The following HADH variants were observed in gnomAD, a reference collection of about 807,000 sequenced individuals.
The protein encoded by HADH is hydroxyacyl-CoA dehydrogenase, also known as hydroxyacyl-coenzyme A dehydrogenase, mitochondrial.
A neutral mutation model predicts 32.2 loss-of-function variants in HADH; 24 were observed. The observed-to-expected ratio is 0.75, with a 90% CI of 0.54 to 1.05. The LOEUF is 1.05. Ranked by LOEUF, HADH falls within the 50% of genes least tolerant of loss-of-function variation. The pLI is 0.00. For synonymous variants in HADH, 139 were observed against 152.5 expected (o/e 0.91, Z 0.65); for missense variants, 350 against 397.1 (o/e 0.88, Z 1.01).
chr4:107,998,428 C>T (rs1735018033), intron 1 of HADH, among the ~76,000 whole-genome samples: 1 of 152,164 alleles, frequency 6.6e-6, no homozygotes, highest in South Asian at 2.1e-4. Flanking sequence ...TGCAGGCGTG[C>T]ACCACCATGC....
At chr4:108,009,942 G>A in intron 2 of HADH, 55 bp downstream of exon 2, 1 of 1,232,550 alleles carries the variant, frequency 8.1e-7, no homozygotes, top group Non-Finnish European at 1.2e-6. Context: ...CTTTACATTT[G>A]CAGGGCAATG....
intron 4 of HADH, among the ~76,000 whole-genome samples, chr4:108,020,331 G>T (rs1001938307): frequency 6.6e-6 from 1 of 152,148 alleles, no homozygotes; most frequent in African/African-American, 2.4e-5. Context: ...TCAGCCAGGG[G>T]TTTTGGTGCA....
chr4:107,990,184 C>T (rs1242653794), intron 1 of HADH, 120 bp downstream of exon 1: 9 of 1,034,860 alleles, frequency 8.7e-6, no homozygotes, highest in East Asian at 2.6e-5. Context: ...TTTCACCCCG[C>T]GCCTCCCGGG....
At chr4:107,993,739 A>G (rs1482889491) in intron 1 of HADH, among the ~76,000 whole-genome samples, 1 of 152,218 alleles carries the variant, frequency 6.6e-6, no homozygotes, top group Admixed American at 6.5e-5. Flanking sequence ...AATTAAAAAA[A>G]CAAAAAATCC....
At chr4:108,029,658 C>G (rs947223643) in intron 6 of HADH, 2 of 152,376 alleles carry the variant, frequency 1.3e-5, no homozygotes, top group African/African-American at 2.4e-5. Flanking sequence ...TGCAGGCTCT[C>G]TGGAAGGATG....
intron 4 of HADH, among the ~76,000 whole-genome samples, chr4:108,022,163 A>ATGTGTGTGTG (rs1452653535): frequency 1.9e-5 from 1 of 53,524 alleles, no homozygotes; most frequent in African/African-American, 4.5e-5. Context: ...TTTTACATAT[A>ATGTGTGTGTG]TATATGTGTG....
chr4:108,029,172 C>T, intron 6 of HADH: 1 of 328,248 alleles, frequency 3.0e-6, no homozygotes, highest in Non-Finnish European at 5.5e-6. Flanking sequence ...TGTCCCCCCG[C>T]CCACCACCTG....
At chr4:108,016,837 A>G (rs903423901) in intron 3 of HADH, among the ~76,000 whole-genome samples, 1 of 152,208 alleles carries the variant, frequency 6.6e-6, no homozygotes, top group Non-Finnish European at 1.5e-5. Flanking sequence ...AGCTTCCCCC[A>G]TTTGTAAAAT....
At chr4:108,022,677 G>A (rs984803708) in intron 4 of HADH, among the ~76,000 whole-genome samples, 3 of 152,086 alleles carry the variant, frequency 2.0e-5, no homozygotes, top group Admixed American at 6.6e-5. Flanking sequence ...AAGACTTTAA[G>A]GGCAACCATC....
At chr4:108,013,081 C>T (rs749478603) in intron 2 of HADH, among the ~76,000 whole-genome samples, 4 of 152,182 alleles carry the variant, frequency 2.6e-5, no homozygotes, top group Non-Finnish European at 2.9e-5. Context: ...TGCAGGCGCC[C>T]GCTACCACGC....
In HADH at chr4:108,019,585, C is replaced by T. The variant is rs1735809893; in HGVS notation, c.465C>T (p.Ser155=). 3 of 1,613,626 alleles carry T rather than the reference C, an allele frequency of 1.9e-6. No homozygotes were observed. The highest frequency in any genetic ancestry group is 2.5e-6 in the Non-Finnish European group (3 of 1,179,592). ...ACACTTCCTCCTTGCAGATTACAAG[C>T]ATAGCTAATGCCACCACCAGACAAG... ...ASNTSSLQIT[S]IANATTRQDR... The change falls in exon 4 of 8, where the codon AGC becomes AGT. Residue 155 remains serine, a synonymous_variant. Coordinates refer to ENST00000309522, the MANE Select transcript of HADH (RefSeq NM_005327.7).
chr4:108,019,077 C>T (rs1262246563), intron 3 of HADH, among the ~76,000 whole-genome samples: 1 of 151,990 alleles, frequency 6.6e-6, no homozygotes, highest in African/African-American at 2.4e-5. Flanking sequence ...CGTTTATTAT[C>T]ATATGTTTCT....
intron 4 of HADH, among the ~76,000 whole-genome samples, chr4:108,022,531 C>A (rs1735928805): frequency 6.6e-6 from 1 of 152,080 alleles, no homozygotes; most frequent in Non-Finnish European, 1.5e-5. Context: ...GGCCGCTGGC[C>A]TCTAGAGCAT....
chr4:107,991,357 C>G (rs985095651), intron 1 of HADH, among the ~76,000 whole-genome samples: 1 of 151,990 alleles, frequency 6.6e-6, no homozygotes, highest in Non-Finnish European at 1.5e-5. Context: ...TGTCTTGTTT[C>G]CAACCAAGTC....
chr4:108,019,474 C>T, intron 3 of HADH, 66 bp from the exon 4 acceptor site: 1 of 1,463,726 alleles, frequency 6.8e-7, no homozygotes, highest in Non-Finnish European at 9.6e-7. Flanking sequence ...GCATTGCATC[C>T]AAGAGTCATG....
chr4:108,000,232 G>C (rs565336094), intron 1 of HADH, among the ~76,000 whole-genome samples: 1 of 152,320 alleles, frequency 6.6e-6, no homozygotes, highest in African/African-American at 2.4e-5. Flanking sequence ...CAGTTACCCT[G>C]ATTTGATCAT....
At chr4:108,001,147 A>G (rs561084085) in intron 1 of HADH, among the ~76,000 whole-genome samples, 1 of 152,366 alleles carries the variant, frequency 6.6e-6, no homozygotes, top group South Asian at 2.1e-4. Context: ...TGGATAGAAC[A>G]TTTCTGGACA....
Position 108,034,420 on chromosome 4 carries a change from G to A in HADH, c.*63G>A. 1 of 912,872 alleles carries A rather than the reference G, an allele frequency of 1.1e-6. No individual in the cohort carries two copies. The highest frequency in any genetic ancestry group is 1.7e-5 in the Admixed American group (1 of 59,130). 56.5% of individuals were successfully genotyped at this position (912,872 alleles called of 1,614,324 possible). The stretch of plus-strand genomic sequence containing the variant: ...GCGCTTTCCAGCCAGTGCCCCGAGT[G>A]CCTGTGGGAATGCTCTTTGGTCAGA... On this transcript the variant is annotated 3_prime_UTR_variant, in exon 8 of 8. Coordinates refer to ENST00000309522, the MANE Select transcript of HADH (RefSeq NM_005327.7).
At chr4:108,015,474 T>G (rs1285165899) in intron 3 of HADH, among the ~76,000 whole-genome samples, 1 of 152,220 alleles carries the variant, frequency 6.6e-6, no homozygotes, top group Admixed American at 6.5e-5. Context: ...TCTTGACAGA[T>G]TCTGAGGGGT....
Sources: allele counts gnomAD v4.1 joint callset (sites outside exome capture counted in the v4.1 genomes callset), GRCh38; gene constraint gnomAD v4.1.1; transcripts MANE v1.5; gene names NCBI Gene and HGNC (gene_info 2026-07-23, HGNC 2026-07-21).